MUC12: variants seen among roughly 807,000 people sequenced by gnomAD.
MUC12 encodes the protein mucin-12.
MUC12 carries 172 observed loss-of-function variants against 230.8 expected under a neutral mutation model. The observed-to-expected ratio is 0.75, with a 90% CI of 0.66 to 0.85. The LOEUF is 0.85. MUC12 is among the 40% of genes least tolerant of loss of function. The pLI is 0.00. For synonymous variants in MUC12, 1,259 were observed against 2,401.9 expected (o/e 0.52, Z 13.91); for missense variants, 3,506 against 5,920.6 (o/e 0.59, Z 13.38).
intron 1 of MUC12, among the ~76,000 whole-genome samples, chr7:100,981,002 A>G (rs1393350329): frequency 1.3e-5 from 2 of 152,208 alleles, no homozygotes; most frequent in East Asian, 3.8e-4. Context: ...TGCCAAGTCA[A>G]CATCACATGA....
At position 100,991,930 on chromosome 7, in the gene MUC12, C is replaced by G. The variant is rs575368158; in HGVS notation, c.1367C>G (p.Ser456Cys). 4.9e-5 allele frequency: 76 copies of G among 1,537,942 alleles called. No homozygotes were observed. The South Asian group carries it at 8.1e-4, about 16-fold the overall frequency. Residue 456 changes from serine (S) to cysteine (C), a missense_variant, in exon 2 of 12, where the codon TCT (serine) becomes TGT (cysteine). Physicochemically the swap from Ser to Cys is moderately radical, Grantham distance 112 (BLOSUM62 -1). Transcript: ENST00000536621. ...AMATTVLPAG[S>C]TPSVLVGDST... is the part of the protein sequence containing the mutation. ...GCAACAACAGTCTTACCTGCCGGCT[C>G]TACACCCTCAGTTCTTGTTGGAGAC... is the stretch of plus-strand genomic sequence containing the variant.
Position 100,992,674 on chromosome 7 carries a change from G to A in MUC12, c.2111G>A (p.Ser704Asn), listed in dbSNP as rs1562783571. The A allele has an allele frequency of 2.0e-6, 3 of 1,536,478 alleles. No individual in the cohort carries two copies. Among genetic ancestry groups the A allele is most frequent in the Admixed American group, 3.9e-5 (2 of 50,868 alleles). Residue 704 changes from serine to asparagine, a missense_variant, in exon 2 of 12, where the codon AGC becomes AAC. Ser to Asn is a conservative substitution (Grantham distance 46, BLOSUM62 1). Transcript: ENST00000536621. ...GSTQTMHFPE[S>N]DTTSGRGEES... ...ACTCAAACAATGCACTTCCCTGAAA[G>A]CGACACAACTTCAGGCCGTGGTGAA... is the stretch of plus-strand genomic sequence containing the variant.
chr7:100,971,025 A>T (rs1405880416), intron 1 of MUC12, among the ~76,000 whole-genome samples: 2 of 151,978 alleles, frequency 1.3e-5, no homozygotes. Flanking sequence ...GCATGGTGGC[A>T]CACGCCTGTA....
intron 1 of MUC12, among the ~76,000 whole-genome samples, chr7:100,978,613 C>T (rs1479643548): frequency 6.6e-6 from 1 of 152,108 alleles, no homozygotes; most frequent in Non-Finnish European, 1.5e-5. Context: ...ACTGCCTCTT[C>T]AGGGGAGCTG....
At position 100,994,586 on chromosome 7, in the gene MUC12, T is replaced by A; in HGVS notation, c.4023T>A (p.Pro1341=). The A allele has an allele frequency of 7.1e-6, 7 of 989,834 alleles. 3 individuals are homozygous for A. Among genetic ancestry groups the A allele is most frequent in the Non-Finnish European group, 9.5e-6 (7 of 737,506 alleles). 61.3% of individuals were successfully genotyped at this position (989,834 alleles called of 1,614,324 possible). A position where few individuals can be genotyped will look rare whatever the true frequency, so the allele number is the denominator to read the frequency against. The part of the protein sequence containing the change: ...QPGSTHTTAF[P]DSTTTSDLSQ... ...GCTCAACGCACACAACAGCATTCCC[T>A]GACAGCACCACCACCTCAGACCTCA... Residue 1341 remains proline (P), a synonymous_variant, in exon 2 of 12, where the codon CCT becomes CCA. Transcript: ENST00000536621.
Position 100,991,818 on chromosome 7 carries a change from A to G in MUC12, c.1255A>G (p.Thr419Ala), listed in dbSNP as rs1319616914. ...AAGCTACCACAGCAGCCTGGGCTCAACTGAAACAACACACTTCCGTGATAG... is the reference window on the plus strand; with the variant it reads ...AAGCTACCACAGCAGCCTGGGCTCAGCTGAAACAACACACTTCCGTGATAG... Reference protein sequence around the residue: ...HTSYHSSLGSTETTHFRDSST... With the variant: ...HTSYHSSLGSAETTHFRDSST... The change falls in exon 2 of 12, where the codon ACT (threonine) becomes GCT (alanine). Residue 419 changes from threonine (T) to alanine (A), a missense_variant. Transcript: ENST00000536621. 1 of 1,537,854 alleles carries G rather than the reference A, an allele frequency of 6.5e-7. No individual in the cohort carries two copies. Among genetic ancestry groups the G allele is most frequent in the African/African-American group, 1.4e-5 (1 of 73,046 alleles).
At chr7:101,015,247 T>C in intron 9 of MUC12, 2 of 248,108 alleles carry the variant, frequency 8.1e-6, no homozygotes, top group Non-Finnish European at 1.6e-5. Context: ...AGATGGAGCG[T>C]CTGGGTCTCA....
intron 4 of MUC12, 131 bp from the exon 5 acceptor site, chr7:101,008,964 G>T (rs147754131): frequency 7.5e-5 from 95 of 1,268,690 alleles, no homozygotes; most frequent in African/African-American, 7.4e-4. Flanking sequence ...GGAGCTTCCT[G>T]GGTTGGTGGT....
chr7:101,016,306 G>A (rs1462663209), intron 10 of MUC12, among the ~76,000 whole-genome samples: 4 of 151,992 alleles, frequency 2.6e-5, no homozygotes, highest in Non-Finnish European at 1.5e-5. Flanking sequence ...AGGGGCTTTG[G>A]CCGCCCACCT....
In MUC12 at chr7:100,990,756, A is replaced by C. The variant is rs1227836065; in HGVS notation, c.193A>C (p.Thr65Pro). The change falls in exon 2 of 12, where the codon ACA (threonine) becomes CCA (proline). Residue 65 changes from threonine (T) to proline (P), a missense_variant. Transcript: ENST00000536621. The part of the protein sequence containing the change: ...SVTFITGSTA[T>P]KHFLDSSTNS... ...CACATTTATCACGGGCTCAACTGCA[A>C]CAAAACACTTCCTTGACAGCTCCAC... 6.5e-7 allele frequency: 1 copy of C among 1,537,916 alleles called. No individual in the cohort carries two copies. The highest frequency in any genetic ancestry group is 2.0e-5 in the Admixed American group (1 of 50,998).
At chr7:100,977,651 A>G (rs1044179035) in intron 1 of MUC12, among the ~76,000 whole-genome samples, 3 of 152,168 alleles carry the variant, frequency 2.0e-5, no homozygotes, top group Non-Finnish European at 4.4e-5. Context: ...GGCATAAGCC[A>G]CCGTGCCTGG....
At chr7:100,982,595 CCTGA>C (rs1266063404) in intron 1 of MUC12, among the ~76,000 whole-genome samples, 6 of 151,930 alleles carry the variant, frequency 3.9e-5, no homozygotes, top group East Asian at 3.9e-4. Context: ...CAGCACCACG[CCTGA>C]CTAATTTTTT....
rs1184011670 is a variant in MUC12, at chr7:100,991,681, T to C, written c.1118T>C (p.Phe373Ser). The C allele has an allele frequency of 6.5e-7, 1 of 1,537,636 alleles. No homozygotes were observed. The highest frequency in any genetic ancestry group is 8.7e-7 in the Non-Finnish European group (1 of 1,146,818). Residue 373 changes from phenylalanine (F) to serine (S), a missense_variant, in exon 2 of 12, where the codon TTC (phenylalanine) becomes TCC (serine). Coordinates refer to ENST00000536621, the MANE Select transcript of MUC12 (RefSeq NM_001164462.2). ...RSPGSTQTMH[F>S]PESSTTSGHS... Reference sequence around the variant, plus strand: ...CCGGGCTCAACTCAAACAATGCACTTCCCTGAAAGCTCCACAACTTCAGGC... The same window carrying C: ...CCGGGCTCAACTCAAACAATGCACTCCCCTGAAAGCTCCACAACTTCAGGC...
In MUC12 at chr7:100,989,446, A is replaced by G. The variant is rs188561002; in HGVS notation, c.68-1185A>G. Among the ~76,000 whole-genome samples the G allele has an allele frequency of 2.6e-5, 4 of 152,048 alleles. No homozygotes were observed. The East Asian group carries it at 7.8e-4, about 30-fold the overall frequency. On this transcript the variant is annotated intron_variant, in intron 1 of 11. Transcript: ENST00000536621. ...ATCAGCAGTGTGAAAATGGACAAGT[A>G]TGATGTGTAAACCAGACAATATAAG...
intron 5 of MUC12, among the ~76,000 whole-genome samples, chr7:101,009,737 G>A (rs959042659): frequency 6.6e-6 from 1 of 152,186 alleles, no homozygotes; most frequent in Non-Finnish European, 1.5e-5. Context: ...CCAGAGAGAG[G>A]GAAGGGAAGG....
In MUC12 at chr7:101,012,909, C is replaced by T. The variant is rs371904770; in HGVS notation, c.15475+19C>T. The T allele has an allele frequency of 5.4e-5, 83 of 1,537,098 alleles. No homozygotes were observed. Among genetic ancestry groups the T allele is most frequent in the African/African-American group, 1.5e-4 (11 of 73,042 alleles). ...TTCCAGGGTAAGCGACTACGTGGAG[C>T]GTGGGCACTAAGAGTGGGGGCTGGG... On this transcript the variant is annotated intron_variant, in intron 7 of 11. Coordinates refer to ENST00000536621, the MANE Select transcript of MUC12 (RefSeq NM_001164462.2).
At chr7:101,007,502 A>G (rs1313278008) in intron 3 of MUC12, among the ~76,000 whole-genome samples, 1 of 152,098 alleles carries the variant, frequency 6.6e-6, no homozygotes, top group African/African-American at 2.4e-5. Flanking sequence ...AGAACATGCA[A>G]TGTTTGTCTT....
Position 100,995,913 on chromosome 7 carries a change from T to C in MUC12, c.5350T>C (p.Phe1784Leu), listed in dbSNP as rs1278880436. The C allele has an allele frequency of 7.7e-7, 1 of 1,296,986 alleles. No individual in the cohort carries two copies. Among genetic ancestry groups the C allele is most frequent in the South Asian group, 1.3e-5 (1 of 75,072 alleles). The allele number at this position is 1,296,986 out of a possible 1,614,324, so 80.3% of individuals were successfully genotyped here. A position where few individuals can be genotyped will look rare whatever the true frequency, so the allele number is the denominator to read the frequency against. ...SSPGSTQTMH[F>L]PESSTASGRS... ...CCCGGGCTCAACTCAAACAATGCACTTCCCTGAAAGCTCCACAGCTTCAGG... is the reference window on the plus strand; with the variant it reads ...CCCGGGCTCAACTCAAACAATGCACCTCCCTGAAAGCTCCACAGCTTCAGG... Residue 1784 changes from phenylalanine to leucine, a missense_variant, in exon 2 of 12, where the codon TTC (phenylalanine) becomes CTC (leucine). Coordinates refer to ENST00000536621, the MANE Select transcript of MUC12 (RefSeq NM_001164462.2).
Position 101,004,451 on chromosome 7 carries a change from T to G in MUC12, c.13888T>G (p.Ser4630Ala), listed in dbSNP as rs1793694246. The G allele has an allele frequency of 3.3e-6, 5 of 1,525,370 alleles. No homozygotes were observed. The highest frequency in any genetic ancestry group is 1.5e-5 in the African/African-American group (1 of 68,672). The allele number at this position is 1,525,370 out of a possible 1,614,324, so 94.5% of individuals were successfully genotyped here. A position where few individuals can be genotyped will look rare whatever the true frequency, so the allele number is the denominator to read the frequency against. ...SSTASGRSEE[S>A]RTSHSSTTHT... ...CACAGCTTCAGGTCGTAGTGAAGAA[T>G]CAAGAACTTCCCACAGCAGCACAAC... is the stretch of plus-strand genomic sequence containing the variant. Residue 4630 changes from serine to alanine, a missense_variant, in exon 2 of 12, where the codon TCA becomes GCA. By Grantham distance (99) the Ser-to-Ala change is moderately conservative (BLOSUM62 1). Coordinates refer to ENST00000536621, the MANE Select transcript of MUC12 (RefSeq NM_001164462.2).
Sources: allele counts gnomAD v4.1 joint callset (sites outside exome capture counted in the v4.1 genomes callset), GRCh38; gene constraint gnomAD v4.1.1; transcripts MANE v1.5; gene names NCBI Gene and HGNC (gene_info 2026-07-23, HGNC 2026-07-21).